The following HSDL2 variants were observed in gnomAD, a reference collection of about 807,000 sequenced individuals.
HSDL2 encodes the protein hydroxysteroid dehydrogenase like 2, also known as hydroxysteroid dehydrogenase-like protein 2.
A neutral mutation model predicts 46.3 loss-of-function variants in HSDL2; 27 were observed. That is an observed-to-expected ratio of 0.58 (90% CI 0.43 to 0.80). The LOEUF (loss-of-function observed/expected upper bound fraction) is 0.80. HSDL2 is among the 30% of genes least tolerant of loss of function. The pLI is 0.00. For missense variants in HSDL2, 451 were observed against 502.7 expected, an observed-to-expected ratio of 0.90 and a Z score of 0.98; for synonymous variants, 153 against 163.6, an observed-to-expected ratio of 0.94 and a Z score of 0.50.
At chr9:112,391,918 G>A (rs545683316) in intron 1 of HSDL2, among the ~76,000 whole-genome samples, 1 of 151,776 alleles carries the variant, frequency 6.6e-6, no homozygotes, top group African/African-American at 2.4e-5. Context: ...AGAAAAATGG[G>A]CAAAACCAAT....
At position 112,398,397 on chromosome 9, in the gene HSDL2, G is replaced by A. The variant is rs547464665; in HGVS notation, c.18-5598G>A. On this transcript the variant is annotated intron_variant, in intron 1 of 10. Transcript: ENST00000398805. ...CAAAGGTTTGAAGAGGGAAGAGTTA[G>A]TATAGATATGGTCCTGGGCTGTCCA... 2.0e-5 allele frequency among the ~76,000 whole-genome samples: 3 copies of A among 152,108 alleles called. No homozygotes were observed. The South Asian group carries it at 6.3e-4, about 32-fold the overall frequency.
chr9:112,380,562 C>T (rs1300475744), intron 1 of HSDL2, among the ~76,000 whole-genome samples: 3 of 152,154 alleles, frequency 2.0e-5, no homozygotes, highest in African/African-American at 7.2e-5. Flanking sequence ...AGAGTTTTCA[C>T]TTGTTCCTGA....
intron 7 of HSDL2, among the ~76,000 whole-genome samples, chr9:112,439,554 C>T (rs1832596988): frequency 6.6e-6 from 1 of 152,052 alleles, no homozygotes; most frequent in Admixed American, 6.5e-5. Flanking sequence ...TCTAATATAG[C>T]CATACATAGG....
rs1208935505 is a variant in HSDL2, at chr9:112,471,194, T to C, written c.*650T>C. ...ATTGTCCTAAAACAAAATAATTTTC[T>C]CCCTAGGAGTATGCATTTGGCTACA... On this transcript the variant is annotated 3_prime_UTR_variant, in exon 11 of 11. Coordinates refer to ENST00000398805, the MANE Select transcript of HSDL2 (RefSeq NM_032303.5). 2 of 152,236 alleles carry C rather than the reference T, an allele frequency of 1.3e-5. No homozygotes were observed. Among genetic ancestry groups the C allele is most frequent in the African/African-American group, 4.8e-5 (2 of 41,454 alleles). 9.4% of individuals were successfully genotyped at this position (152,236 alleles called of 1,614,324 possible). A position where few individuals can be genotyped will look rare whatever the true frequency, so the allele number is the denominator to read the frequency against.
intron 8 of HSDL2, among the ~76,000 whole-genome samples, chr9:112,443,481 T>A (rs1288012207): frequency 1.3e-5 from 2 of 152,206 alleles, no homozygotes; most frequent in African/African-American, 4.8e-5. Context: ...TAAACTTAAA[T>A]GGCTTTCCTA....
At position 112,461,697 on chromosome 9, in the gene HSDL2, T is replaced by A. The variant is rs576600794; in HGVS notation, c.1144+2120T>A. Among the ~76,000 whole-genome samples, 6 of 152,288 alleles carry A rather than the reference T, an allele frequency of 3.9e-5. No individual in the cohort carries two copies. The East Asian group carries it at 9.6e-4, about 24-fold the overall frequency. On this transcript the variant is annotated intron_variant, in intron 10 of 10. Coordinates refer to ENST00000398805, the MANE Select transcript of HSDL2 (RefSeq NM_032303.5). ...CAGTAAGTACTGAGGCTTTGAAGAA[T>A]TAAATAATAAGCCCAAGGTCAGCTG... is the stretch of plus-strand genomic sequence containing the variant.
At chr9:112,382,145 C>G (rs1831112922) in intron 1 of HSDL2, among the ~76,000 whole-genome samples, 1 of 152,134 alleles carries the variant, frequency 6.6e-6, no homozygotes, top group South Asian at 2.1e-4. Context: ...CCTGTAATCC[C>G]AGCTACTCAG....
chr9:112,404,223 T>C, intron 2 of HSDL2, 65 bp downstream of exon 2: 1 of 1,496,558 alleles, frequency 6.7e-7, no homozygotes, highest in East Asian at 2.3e-5. Context: ...GAGAATTTGC[T>C]GGAGAGTTTA....
chr9:112,467,514 T>C (rs1833428037), intron 10 of HSDL2, among the ~76,000 whole-genome samples: 1 of 152,232 alleles, frequency 6.6e-6, no homozygotes, highest in Non-Finnish European at 1.5e-5. Flanking sequence ...ACATTGTACC[T>C]GGACTTAAAT....
intron 8 of HSDL2, among the ~76,000 whole-genome samples, chr9:112,442,441 T>C (rs2132675754): frequency 6.6e-6 from 1 of 152,314 alleles, no homozygotes; most frequent in South Asian, 2.1e-4. Flanking sequence ...ATATATCAAA[T>C]ACATCTAACA....
intron 10 of HSDL2, among the ~76,000 whole-genome samples, chr9:112,460,872 ATATATG>A (rs1207561095): frequency 1.3e-5 from 2 of 152,214 alleles, no homozygotes; most frequent in African/African-American, 2.4e-5. Flanking sequence ...TTTAGCATCT[ATATATG>A]TATATTATGC....
intron 9 of HSDL2, 39 bp downstream of exon 9, chr9:112,454,201 C>T (rs1011930908): frequency 8.4e-6 from 13 of 1,552,408 alleles, no homozygotes; most frequent in Non-Finnish European, 1.1e-5. Flanking sequence ...TTTTATGAAA[C>T]AAAATGGGGT....
intron 1 of HSDL2, among the ~76,000 whole-genome samples, chr9:112,397,572 T>C (rs1324210820): frequency 1.3e-5 from 2 of 152,134 alleles, no homozygotes; most frequent in African/African-American, 4.8e-5. Flanking sequence ...TGTTACTTGT[T>C]CCATGGTGAG....
intron 10 of HSDL2, among the ~76,000 whole-genome samples, chr9:112,465,546 T>C (rs965200930): frequency 1.3e-5 from 2 of 152,224 alleles, no homozygotes; most frequent in Non-Finnish European, 2.9e-5. Context: ...ACCTGTACCA[T>C]ATGTAAGTAA....
At chr9:112,411,332 AG>A (rs1403918597) in intron 4 of HSDL2, among the ~76,000 whole-genome samples, 1 of 152,226 alleles carries the variant, frequency 6.6e-6, no homozygotes, top group Non-Finnish European at 1.5e-5. Context: ...TCGATATGTA[AG>A]GTAGGTCTCT....
chr9:112,408,777 G>A, intron 3 of HSDL2, 130 bp from the exon 4 acceptor site: 2 of 559,468 alleles, frequency 3.6e-6, no homozygotes, highest in South Asian at 4.7e-5. Context: ...ATGGGCCATT[G>A]TTGATTGAAA....
intron 1 of HSDL2, among the ~76,000 whole-genome samples, chr9:112,386,170 C>T (rs894669285): frequency 6.6e-6 from 1 of 151,906 alleles, no homozygotes; most frequent in Non-Finnish European, 1.5e-5. Flanking sequence ...CTTTTTTAAC[C>T]CCACAAGTAT....
rs1287201596 is a variant in HSDL2 at position 112,429,417 on chromosome 9, G to A, written c.599-9014G>A. On this transcript the variant is annotated intron_variant, in intron 6 of 10. Coordinates refer to ENST00000398805, the MANE Select transcript of HSDL2 (RefSeq NM_032303.5). ...ATTTAAGAGTTTGTTACCACCATTT[G>A]TACTTTGTCCTCCCCTCTGCCCTTT... Among the ~76,000 whole-genome samples the A allele has an allele frequency of 2.6e-5, 4 of 152,198 alleles. No individual in the cohort carries two copies. In the East Asian group the frequency reaches 7.7e-4, roughly 29 times the overall value.
chr9:112,386,977 T>C (rs1831231246), intron 1 of HSDL2, among the ~76,000 whole-genome samples: 1 of 152,168 alleles, frequency 6.6e-6, no homozygotes, highest in Non-Finnish European at 1.5e-5. Context: ...ACTCTTAAGG[T>C]ATAACAGCCA....
Sources: allele counts gnomAD v4.1 joint callset (sites outside exome capture counted in the v4.1 genomes callset), GRCh38; gene constraint gnomAD v4.1.1; transcripts MANE v1.5; gene names NCBI Gene and HGNC (gene_info 2026-07-23, HGNC 2026-07-21).